The following OPCML variants were observed in gnomAD, a reference collection of about 807,000 sequenced individuals.
The protein encoded by OPCML is opioid-binding protein/cell adhesion molecule.
Under a neutral mutation model 37.8 loss-of-function variants are expected in OPCML, and 13 were observed. That is an observed-to-expected ratio of 0.34 (90% CI 0.22 to 0.55). OPCML has a LOEUF of 0.55. OPCML is among the 20% of genes least tolerant of loss of function. The pLI, the probability that OPCML is intolerant of heterozygous loss-of-function variation, is 0.91. For missense variants in OPCML, 341 were observed against 435.6 expected, an observed-to-expected ratio of 0.78 and a Z score of 1.93; for synonymous variants, 176 against 168.8, an observed-to-expected ratio of 1.04 and a Z score of -0.33.
chr11:132,560,232 G>T (rs1449015549), intron 3 of OPCML, among the ~76,000 whole-genome samples: 1 of 152,008 alleles, frequency 6.6e-6, no homozygotes, highest in Non-Finnish European at 1.5e-5. Context: ...TCAGGACTTG[G>T]TTATCTTTTT....
rs1318204464 is a variant in OPCML at position 133,140,988 on chromosome 11, AGAAGAAGAAGACGACGAC to A, written c.62-197996_62-197979del. Among the ~76,000 whole-genome samples, 18 of 4,436 alleles carry A rather than the reference AGAAGAAGAAGACGACGAC, an allele frequency of 4.1e-3. 5 individuals are homozygous for A. Among genetic ancestry groups the A allele is most frequent in the Non-Finnish European group, 5.2e-3 (6 of 1,150 alleles). The allele number at this position is 4,436 out of a possible 152,430, so 2.9% of individuals were successfully genotyped here. A position where few individuals can be genotyped will look rare whatever the true frequency, so the allele number is the denominator to read the frequency against. ...AAGAAGAAGAAGAAGAAGAAGAAGAAGAAGAAGAAGACGACGACGACGACGACGACGACGACGACGACG... is the reference window on the plus strand; with the variant it reads ...AAGAAGAAGAAGAAGAAGAAGAAGAAGACGACGACGACGACGACGACGACG... On this transcript the variant is annotated intron_variant, in intron 1 of 7. Transcript: ENST00000524381.
At chr11:132,972,792 T>C (rs1447776074) in intron 1 of OPCML, among the ~76,000 whole-genome samples, 1 of 152,186 alleles carries the variant, frequency 6.6e-6, no homozygotes. Flanking sequence ...AGTTCTGTGA[T>C]CTTCATGGGA....
At chr11:133,070,766 G>A (rs1948520042) in intron 1 of OPCML, among the ~76,000 whole-genome samples, 1 of 152,184 alleles carries the variant, frequency 6.6e-6, no homozygotes, top group African/African-American at 2.4e-5. Context: ...GCAGGCAGCT[G>A]AAATGAATGA....
intron 4 of OPCML, among the ~76,000 whole-genome samples, chr11:132,465,718 T>C (rs910133947): frequency 6.6e-6 from 1 of 152,238 alleles, no homozygotes; most frequent in African/African-American, 2.4e-5. Flanking sequence ...GCTGCTTTTA[T>C]AACTTCTGCA....
intron 2 of OPCML, among the ~76,000 whole-genome samples, chr11:132,694,685 T>A (rs1047146528): frequency 6.6e-6 from 1 of 152,182 alleles, no homozygotes; most frequent in African/African-American, 2.4e-5. Flanking sequence ...ACTGCATAGA[T>A]AAAACACATC....
At chr11:132,521,247 C>A (rs980378157) in intron 4 of OPCML, among the ~76,000 whole-genome samples, 4 of 151,902 alleles carry the variant, frequency 2.6e-5, no homozygotes, top group African/African-American at 9.7e-5. Context: ...TTGTAAATTT[C>A]TTTAAGTTCC....
intron 1 of OPCML, among the ~76,000 whole-genome samples, chr11:133,398,612 A>T (rs889983575): frequency 1.1e-4 from 10 of 92,748 alleles, no homozygotes; most frequent in Admixed American, 2.7e-4. Flanking sequence ...TCTTTTTTTA[A>T]AAAAAAAAAT....
intron 1 of OPCML, among the ~76,000 whole-genome samples, chr11:132,987,295 C>A (rs547406760): frequency 6.6e-6 from 1 of 152,114 alleles, no homozygotes. Flanking sequence ...ATGACTTCTA[C>A]GCTGCCAACC....
chr11:132,835,600 C>G (rs1940957187), intron 2 of OPCML, among the ~76,000 whole-genome samples: 1 of 152,202 alleles, frequency 6.6e-6, no homozygotes, highest in Non-Finnish European at 1.5e-5. Context: ...TGTCATCTGT[C>G]TCTACCCCCA....
At chr11:133,457,076 T>G (rs541910709) in intron 1 of OPCML, among the ~76,000 whole-genome samples, 1 of 152,282 alleles carries the variant, frequency 6.6e-6, no homozygotes, top group African/African-American at 2.4e-5. Flanking sequence ...TATCAACCTG[T>G]TGACACAGAC....
In OPCML at chr11:132,693,494, A is replaced by T. The variant is rs1274223696; in HGVS notation, c.147-36175T>A. Among the ~76,000 whole-genome samples the T allele has an allele frequency of 2.6e-5, 4 of 152,304 alleles. No individual in the cohort carries two copies. In the East Asian group the frequency reaches 5.8e-4, roughly 22 times the overall value. Reference sequence around the variant, plus strand: ...TGCAGCTAACAGAATTAGCACCTAAACTTCCTGTGGGCAAAGGTAATAACA... The same window carrying T: ...TGCAGCTAACAGAATTAGCACCTAATCTTCCTGTGGGCAAAGGTAATAACA... On this transcript the variant is annotated intron_variant, in intron 2 of 7. Coordinates refer to ENST00000524381, the MANE Select transcript of OPCML (RefSeq NM_001012393.5).
chr11:132,675,705 G>A, intron 2 of OPCML, among the ~76,000 whole-genome samples: 1 of 151,956 alleles, frequency 6.6e-6, no homozygotes. Flanking sequence ...CAATCAAAAT[G>A]AATAAAATAT....
chr11:132,443,652 G>T (rs145675196), intron 4 of OPCML, among the ~76,000 whole-genome samples: 5 of 152,206 alleles, frequency 3.3e-5, no homozygotes, highest in Non-Finnish European at 7.3e-5. Flanking sequence ...TTTTACTTCT[G>T]TAAGGGAAGA....
intron 1 of OPCML, among the ~76,000 whole-genome samples, chr11:133,226,499 G>T (rs1170181991): frequency 6.6e-6 from 1 of 152,132 alleles, no homozygotes; most frequent in African/African-American, 2.4e-5. Flanking sequence ...CCGACATGGC[G>T]GTCCTCTTCC....
rs762112565 is a variant in OPCML, at chr11:132,437,267, C to T, written c.598G>A (p.Asp200Asn). ...TTCCGCACATCGGGCGCAGCGACAT[C>T]GTTCAACGCGCTGCATTCGTACTCC... ...SGEYECSALN[D>N]VAAPDVRKVK... The change falls in exon 5 of 8, where the codon GAT (aspartate) becomes AAT (asparagine). Residue 200 changes from aspartate to asparagine, a missense_variant. By Grantham distance (23) the Asp-to-Asn change is conservative. Transcript: ENST00000524381. 5 of 1,614,066 alleles carry T rather than the reference C, an allele frequency of 3.1e-6. No homozygotes were observed. The highest frequency in any genetic ancestry group is 4.2e-6 in the Non-Finnish European group (5 of 1,180,022).
intron 2 of OPCML, among the ~76,000 whole-genome samples, chr11:132,878,984 T>C (rs1446039045): frequency 6.6e-6 from 1 of 152,232 alleles, no homozygotes; most frequent in Admixed American, 6.5e-5. Flanking sequence ...GAGTAGCCCA[T>C]GCACCAGGCT....
At chr11:132,420,983 G>C (rs549663780) in intron 7 of OPCML, among the ~76,000 whole-genome samples, 2,280 of 116,210 alleles carry the variant, frequency 0.02, 44 homozygotes, top group African/African-American at 0.098. Context: ...TTTTTTTCTA[G>C]CTTCTCTCTC....
chr11:133,328,055 G>A (rs892252620), intron 1 of OPCML, among the ~76,000 whole-genome samples: 36 of 152,132 alleles, frequency 2.4e-4, no homozygotes, highest in East Asian at 1.9e-4. Flanking sequence ...ATTAAAAGAC[G>A]GCTAAAAACT....
intron 4 of OPCML, among the ~76,000 whole-genome samples, chr11:132,484,775 G>A (rs2096193881): frequency 6.6e-6 from 1 of 152,034 alleles, no homozygotes; most frequent in Non-Finnish European, 1.5e-5. Context: ...GTAGGGACAT[G>A]GATGAAACTG....
Sources: allele counts gnomAD v4.1 joint callset (sites outside exome capture counted in the v4.1 genomes callset), GRCh38; gene constraint gnomAD v4.1.1; transcripts MANE v1.5; gene names NCBI Gene and HGNC (gene_info 2026-07-23, HGNC 2026-07-21).